Variants in FKBP15 observed in about 807,000 individuals in gnomAD.
FKBP15 encodes the protein FK506-binding protein 15.
Under a neutral mutation model 158.1 loss-of-function variants are expected in FKBP15, and 106 were observed. That is an observed-to-expected ratio of 0.67 (90% CI 0.57 to 0.79). The LOEUF is 0.79. Among genes scored for constraint, FKBP15 ranks in the 30% least tolerant of loss-of-function variants. The probability of loss-of-function intolerance (pLI) is 0.00; values close to 1 mark genes in which losing one functional copy is unlikely to be tolerated. For missense variants in FKBP15, 1,287 were observed against 1,479.1 expected (o/e 0.87, Z 2.13); for synonymous variants, 547 against 548.6 (o/e 1.00, Z 0.04).
chr9:113,191,752 A>G (rs1301411578), intron 11 of FKBP15, among the ~76,000 whole-genome samples: 1 of 151,040 alleles, frequency 6.6e-6, no homozygotes, highest in Admixed American at 6.6e-5. Flanking sequence ...ATACATTTCT[A>G]CTTGTGTGCA....
intron 7 of FKBP15, 61 bp downstream of exon 7, chr9:113,199,753 C>G: frequency 6.6e-7 from 1 of 1,513,090 alleles, no homozygotes; most frequent in Non-Finnish European, 8.9e-7. Flanking sequence ...AGTATCTTCC[C>G]TGGGAATAGC....
intron 13 of FKBP15, 85 bp downstream of exon 13, chr9:113,188,304 T>C (rs1413756695): frequency 7.6e-6 from 8 of 1,052,998 alleles, no homozygotes; most frequent in Non-Finnish European, 1.2e-5. Flanking sequence ...ACTGAAACAA[T>C]GCAGCCTAAC....
intron 1 of FKBP15, among the ~76,000 whole-genome samples, chr9:113,217,298 T>C (rs866258238): frequency 5.9e-4 from 88 of 148,842 alleles, no homozygotes; most frequent in African/African-American, 2.1e-3. Context: ...CTGCAACCTC[T>C]GCCTCCCAGA....
chr9:113,200,162 G>A (rs1005811830), intron 6 of FKBP15, among the ~76,000 whole-genome samples, 199 bp from the exon 7 acceptor site: 10 of 152,096 alleles, frequency 6.6e-5, no homozygotes, highest in African/African-American at 2.4e-4. Flanking sequence ...AGAATGTCTG[G>A]GTACAGATCC....
At chr9:113,188,335 T>C (rs1830517886) in intron 13 of FKBP15, 54 bp downstream of exon 13, 10 of 1,350,442 alleles carry the variant, frequency 7.4e-6, no homozygotes, top group Non-Finnish European at 1.1e-5. Flanking sequence ...ACAGTGACGA[T>C]AATTTTCATG....
intron 2 of FKBP15, among the ~76,000 whole-genome samples, chr9:113,208,462 T>C (rs1830937350): frequency 6.6e-6 from 1 of 152,236 alleles, no homozygotes; most frequent in South Asian, 2.1e-4. Flanking sequence ...AGTGAGATAA[T>C]ACTGATGCGG....
intron 11 of FKBP15, among the ~76,000 whole-genome samples, chr9:113,192,908 T>C (rs372434342): frequency 6.6e-6 from 1 of 152,156 alleles, no homozygotes; most frequent in Non-Finnish European, 1.5e-5. Context: ...ACTTCTAAAA[T>C]TGAAGTGCAC....
chr9:113,192,763 T>G lies in FKBP15; in HGVS notation c.1065+729A>C, dbSNP rs367869155. On this transcript the variant is annotated intron_variant, in intron 11 of 27. Coordinates refer to ENST00000238256, the MANE Select transcript of FKBP15 (RefSeq NM_015258.2). ...TATTTACAAGTCATAAAAATCTCTT[T>G]GAGATAGGCAATATCTCCATTTTAC... is the stretch of plus-strand genomic sequence containing the variant. 1.3e-3 allele frequency among the ~76,000 whole-genome samples: 202 copies of G among 152,372 alleles called. 4 individuals carry two copies. The South Asian group carries it at 0.018, about 14-fold the overall frequency.
intron 4 of FKBP15, among the ~76,000 whole-genome samples, chr9:113,203,332 A>G (rs1242105513): frequency 6.6e-6 from 1 of 152,194 alleles, no homozygotes; most frequent in East Asian, 1.9e-4. Flanking sequence ...AAAAGAAAAT[A>G]CAAATTGTTT....
chr9:113,194,146 G>A lies in FKBP15; in HGVS notation c.888C>T (p.Gly296=). The change falls in exon 10 of 28, where the codon GGC becomes GGT. Residue 296 remains glycine (G), a synonymous_variant. Transcript: ENST00000238256. ...GGGAACTAACACTGTGACCATCAGA[G>A]CCAGAATCTCTGGCAAACTTCACCT... ...VRRVKFARDS[G]SDGHSVSSRD... 2 of 1,611,648 alleles carry A rather than the reference G, an allele frequency of 1.2e-6. No individual in the cohort carries two copies. Among genetic ancestry groups the A allele is most frequent in the Non-Finnish European group, 8.5e-7 (1 of 1,178,618 alleles).
chr9:113,221,045 G>T, intron 1 of FKBP15, 146 bp downstream of exon 1: 1 of 858,626 alleles, frequency 1.2e-6, no homozygotes, highest in Non-Finnish European at 1.7e-6. Flanking sequence ...GTTCTGCCCA[G>T]ATTCTGAGAG....
At chr9:113,168,632 C>T (rs971062310) in intron 26 of FKBP15, 76 bp from the exon 27 acceptor site, 14 of 1,281,938 alleles carry the variant, frequency 1.1e-5, no homozygotes, top group African/African-American at 1.5e-5. Flanking sequence ...ACAAGGGTCA[C>T]CGGCCCTTGG....
rs148324933 is a variant in FKBP15, at chr9:113,198,747, C to A, written c.717+108G>T. ...AGCTTGAACAACAAGAGCGAAACTC[C>A]GTCTCAAAAAATAAAAATAAAATAA... On this transcript the variant is annotated intron_variant, in intron 8 of 27. Coordinates refer to ENST00000238256, the MANE Select transcript of FKBP15 (RefSeq NM_015258.2). The surrounding 1 kb of genome is among the most constrained non-coding windows in gnomAD (Gnocchi z 5.2). 7 of 824,342 alleles carry A rather than the reference C, an allele frequency of 8.5e-6. No homozygotes were observed. The highest frequency in any genetic ancestry group is 1.3e-5 in the Non-Finnish European group (7 of 540,162). 51.1% of individuals were successfully genotyped at this position (824,342 alleles called of 1,614,324 possible). A position where few individuals can be genotyped will look rare whatever the true frequency, so the allele number is the denominator to read the frequency against.
At position 113,169,670 on chromosome 9, in the gene FKBP15, TTC is replaced by T. The variant is rs1830168535; in HGVS notation, c.3037_3038del (p.Glu1013SerfsTer2). 1.2e-6 allele frequency: 2 copies of T among 1,613,870 alleles called. No individual in the cohort carries two copies. The highest frequency in any genetic ancestry group is 2.7e-5 in the African/African-American group (2 of 74,926). The part of the protein sequence containing the change: ...QDGHRRKGDS[E>X]AEALSEIKDG... ...CTTTTATCTCTGAGAGTGCCTCAGC[TTC>T]TGAGTCCCCTTTCCTTCTGTGTCCA... is the stretch of plus-strand genomic sequence containing the variant. On this transcript the variant is annotated frameshift_variant, in exon 26 of 28. Transcript: ENST00000238256. LOFTEE classifies it high-confidence loss of function.
intron 1 of FKBP15, among the ~76,000 whole-genome samples, chr9:113,215,605 CGTGT>C (rs58387523): frequency 0.011 from 1,094 of 99,444 alleles, 21 homozygotes; most frequent in South Asian, 0.036. Flanking sequence ...TATATGTGTG[CGTGT>C]GTGTGTGTGT....
chr9:113,214,529 T>C (rs1411016595), intron 1 of FKBP15, among the ~76,000 whole-genome samples: 3 of 152,238 alleles, frequency 2.0e-5, no homozygotes, highest in Non-Finnish European at 2.9e-5. Flanking sequence ...TGTGCTGTCA[T>C]CCAGGCTTTG....
Position 113,186,719 on chromosome 9 carries a change from AAAG to A in FKBP15, c.1384-359_1384-357del, listed in dbSNP as rs558692300. ...ACTCTGCTTAGCTTCCATTGAGTTT[AAAG>A]AAGAAGTGCTCACTGAGATTCCAAA... is the stretch of plus-strand genomic sequence containing the variant. On this transcript the variant is annotated intron_variant, in intron 14 of 27. Transcript: ENST00000238256. 1,472 of 166,512 alleles carry A rather than the reference AAAG, an allele frequency of 8.8e-3. 25 individuals are homozygous for A. Among genetic ancestry groups the A allele is most frequent in the Middle Eastern group, 0.014 (5 of 348 alleles). 10.3% of individuals were successfully genotyped at this position (166,512 alleles called of 1,614,324 possible). A position where few individuals can be genotyped will look rare whatever the true frequency, so the allele number is the denominator to read the frequency against.
rs1830021933 is a variant in FKBP15 at position 113,162,047 on chromosome 9, A to T, written c.*4031T>A. On this transcript the variant is annotated 3_prime_UTR_variant, in exon 28 of 28. Transcript: ENST00000238256. ...ACTAGGCTCCCATATCCAGGAGGGG[A>T]TCTGCAGCTGTCCTGAAGCAATGTA... 1.1e-5 allele frequency: 4 copies of T among 380,452 alleles called. No homozygotes were observed. Among genetic ancestry groups the T allele is most frequent in the South Asian group, 9.1e-5 (4 of 44,172 alleles). The allele number at this position is 380,452 out of a possible 1,614,324, so 23.6% of individuals were successfully genotyped here.
Position 113,186,315 on chromosome 9 carries a change from T to C in FKBP15, c.1432A>G (p.Thr478Ala). 1 of 1,569,326 alleles carries C rather than the reference T, an allele frequency of 6.4e-7. No homozygotes were observed. The highest frequency in any genetic ancestry group is 8.6e-7 in the Non-Finnish European group (1 of 1,156,568). The change falls in exon 15 of 28, where the codon ACC becomes GCC. Residue 478 changes from threonine to alanine, a missense_variant. Thr to Ala is a moderately conservative substitution (Grantham distance 58). Transcript: ENST00000238256. ...AYAYPQASAV[T>A]SQLQPVRPLY... ...GGCCGAACGGGCTGCAGCTGGGAGGTGACGGCAGATGCCTGGGGATAAGCG... is the reference window on the plus strand; with the variant it reads ...GGCCGAACGGGCTGCAGCTGGGAGGCGACGGCAGATGCCTGGGGATAAGCG...
Sources: allele counts gnomAD v4.1 joint callset (sites outside exome capture counted in the v4.1 genomes callset), GRCh38; gene constraint gnomAD v4.1.1; non-coding constraint Gnocchi (gnomAD v3.1); transcripts MANE v1.5; gene names NCBI Gene and HGNC (gene_info 2026-07-23, HGNC 2026-07-21).